The following BNC2 variants were observed in gnomAD, a reference collection of about 807,000 sequenced individuals.
The protein encoded by BNC2 is basonuclin zinc finger protein 2, also known as zinc finger protein basonuclin-2.
BNC2 carries 20 observed loss-of-function variants against 76.3 expected under a neutral mutation model. The observed-to-expected ratio is 0.26, with a 90% CI of 0.18 to 0.38. The LOEUF (loss-of-function observed/expected upper bound fraction) is 0.38, where lower values mean the gene tolerates loss of function less well. Among genes scored for constraint, BNC2 ranks in the 10% least tolerant of loss-of-function variants. The pLI is 1.00. For synonymous variants in BNC2, 582 were observed against 514.8 expected (o/e 1.13, Z -1.77); for missense variants, 1,382 against 1,399.8 (o/e 0.99, Z 0.20).
chr9:16,438,180 A>G (rs1306614007), intron 5 of BNC2, among the ~76,000 whole-genome samples: 2 of 152,194 alleles, frequency 1.3e-5, no homozygotes, highest in Non-Finnish European at 2.9e-5. Context: ...AGTAAGAAAA[A>G]CATCACTCAT....
chr9:16,673,099 G>T (rs999409513), intron 3 of BNC2, among the ~76,000 whole-genome samples: 42 of 152,028 alleles, frequency 2.8e-4, no homozygotes, highest in African/African-American at 9.4e-4. Flanking sequence ...GGTGACAGGA[G>T]TGCATTCTCA....
At chr9:16,489,896 T>C (rs371666111) in intron 5 of BNC2, among the ~76,000 whole-genome samples, 10 of 152,360 alleles carry the variant, frequency 6.6e-5, no homozygotes, top group African/African-American at 2.4e-4. Context: ...AGAGCCCTCG[T>C]GTATCTGCCA....
chr9:16,776,952 C>CTT (rs1175426936), intron 1 of BNC2, among the ~76,000 whole-genome samples: 1 of 151,830 alleles, frequency 6.6e-6, no homozygotes, highest in Non-Finnish European at 1.5e-5. Flanking sequence ...ATGGCAAAAC[C>CTT]CCATCTCTAC....
intron 5 of BNC2, among the ~76,000 whole-genome samples, chr9:16,537,660 C>G (rs1818171726): frequency 6.6e-6 from 1 of 152,046 alleles, no homozygotes; most frequent in African/African-American, 2.4e-5. Flanking sequence ...ACAATTTTAA[C>G]AAAAGCCAAA....
intron 1 of BNC2, among the ~76,000 whole-genome samples, chr9:16,744,029 C>T (rs567637026): frequency 3.3e-5 from 5 of 152,096 alleles, no homozygotes; most frequent in Admixed American, 1.3e-4. Flanking sequence ...TGCAGTGGCG[C>T]GATCTCTGCT....
chr9:16,641,706 A>T (rs1399977369), intron 3 of BNC2, among the ~76,000 whole-genome samples: 3 of 152,216 alleles, frequency 2.0e-5, no homozygotes, highest in Non-Finnish European at 4.4e-5. Context: ...AATAAATGTT[A>T]CATTTCAATG....
intron 3 of BNC2, among the ~76,000 whole-genome samples, chr9:16,669,434 T>C (rs1023156788): frequency 4.6e-5 from 7 of 152,182 alleles, no homozygotes; most frequent in Non-Finnish European, 7.4e-5. Context: ...CAGAGTAAAC[T>C]AAATTTTTCC....
At chr9:16,629,030 T>C (rs1451789130) in intron 3 of BNC2, among the ~76,000 whole-genome samples, 1 of 152,230 alleles carries the variant, frequency 6.6e-6, no homozygotes. Context: ...CCTACCGTTG[T>C]CATTCTTGAC....
At chr9:16,614,958 T>TAAAAAAAAA (rs60545823) in intron 3 of BNC2, among the ~76,000 whole-genome samples, 10 of 62,524 alleles carry the variant, frequency 1.6e-4, no homozygotes, top group African/African-American at 2.0e-4. Flanking sequence ...TCTGTCTCTT[T>TAAAAAAAAA]AAAAAAAAAA....
intron 4 of BNC2, among the ~76,000 whole-genome samples, chr9:16,565,627 G>A (rs534896057): frequency 1.3e-5 from 2 of 152,058 alleles, no homozygotes; most frequent in East Asian, 1.9e-4. Context: ...AAGCAACACG[G>A]TGAGACCCTG....
At chr9:16,529,454 T>C (rs954874485) in intron 5 of BNC2, among the ~76,000 whole-genome samples, 34 of 152,206 alleles carry the variant, frequency 2.2e-4, no homozygotes, top group African/African-American at 8.0e-4. Context: ...TTTTGCATTA[T>C]ACATTACTGC....
At chr9:16,753,494 G>A (rs1825281695) in intron 1 of BNC2, among the ~76,000 whole-genome samples, 2 of 152,306 alleles carry the variant, frequency 1.3e-5, no homozygotes, top group South Asian at 4.1e-4. Context: ...TGACTAAACA[G>A]GGAAATAAAA....
At chr9:16,426,325 C>T (rs991570089) in intron 6 of BNC2, among the ~76,000 whole-genome samples, 4 of 136,988 alleles carry the variant, frequency 2.9e-5, no homozygotes, top group South Asian at 2.3e-4. Flanking sequence ...CCATGCCCAG[C>T]TTTTTTTTTT....
chr9:16,671,324 G>C (rs990338511), intron 3 of BNC2, among the ~76,000 whole-genome samples: 1 of 152,134 alleles, frequency 6.6e-6, no homozygotes, highest in Non-Finnish European at 1.5e-5. Context: ...GAACGAAAAG[G>C]TGAAGCAATG....
At chr9:16,474,868 G>T (rs1821897201) in intron 5 of BNC2, among the ~76,000 whole-genome samples, 1 of 152,020 alleles carries the variant, frequency 6.6e-6, no homozygotes, top group South Asian at 2.1e-4. Flanking sequence ...ACCACATGGT[G>T]GGCTCATCTT....
At chr9:16,468,854 C>G (rs1370515867) in intron 5 of BNC2, among the ~76,000 whole-genome samples, 1 of 152,164 alleles carries the variant, frequency 6.6e-6, no homozygotes, top group African/African-American at 2.4e-5. Flanking sequence ...GAGGTGCATA[C>G]TCATATACCT....
chr9:16,673,710 G>C (rs966526033), intron 3 of BNC2, among the ~76,000 whole-genome samples: 7 of 152,142 alleles, frequency 4.6e-5, no homozygotes, highest in African/African-American at 1.2e-4. Flanking sequence ...TACCAAATAA[G>C]TTTGATTTAT....
intron 3 of BNC2, among the ~76,000 whole-genome samples, chr9:16,694,092 G>C (rs1044824439): frequency 7.2e-5 from 11 of 152,068 alleles, no homozygotes; most frequent in Admixed American, 5.9e-4. Flanking sequence ...AGTTTACTTA[G>C]GAAGAAAATA....
intron 3 of BNC2, among the ~76,000 whole-genome samples, chr9:16,630,804 A>T (rs576179636): frequency 7.0e-6 from 1 of 142,568 alleles, no homozygotes; most frequent in Non-Finnish European, 1.5e-5. Flanking sequence ...CAACGGTGCG[A>T]TCTCGGCTCA....
Sources: allele counts gnomAD v4.1 joint callset (sites outside exome capture counted in the v4.1 genomes callset), GRCh38; gene constraint gnomAD v4.1.1; transcripts MANE v1.5; gene names NCBI Gene and HGNC (gene_info 2026-07-23, HGNC 2026-07-21).